DMBT1: variants seen among roughly 807,000 people sequenced by gnomAD.
DMBT1 encodes the protein scavenger receptor cysteine-rich domain-containing protein DMBT1.
DMBT1 carries 198 observed loss-of-function variants against 252.9 expected under a neutral mutation model. The observed-to-expected ratio is 0.78, with a 90% CI of 0.70 to 0.88. DMBT1 has a LOEUF of 0.88. DMBT1 is among the 40% of genes least tolerant of loss of function. The pLI is 0.00. For missense variants in DMBT1, 2,432 were observed against 2,404.7 expected (o/e 1.01, Z -0.24); for synonymous variants, 990 against 942.7 (o/e 1.05, Z -0.92).
rs763374104 is a variant in DMBT1, at chr10:122,643,168, C to T, written c.7399C>T (p.Arg2467Cys). 8.1e-6 allele frequency: 13 copies of T among 1,613,996 alleles called. No individual in the cohort carries two copies. Among genetic ancestry groups the T allele is most frequent in the South Asian group, 1.1e-5 (1 of 91,084 alleles). The change falls in exon 56 of 56, where the codon CGC (arginine) becomes TGC (cysteine). Residue 2467 changes from arginine to cysteine, a missense_variant. Around this residue, in one of 3 missense-constraint regions of DMBT1, gnomAD observed 1,162 missense variants for 1,169.0 expected, o/e 0.99. Coordinates refer to ENST00000338354, the MANE Select transcript of DMBT1 (RefSeq NM_001377530.1). Reference sequence around the variant, plus strand: ...CGGACCCTACTCCTCGCCATCTCTTCGCATTGCCCGCTTCCGGTTCAGGGC... The same window carrying T: ...CGGACCCTACTCCTCGCCATCTCTTTGCATTGCCCGCTTCCGGTTCAGGGC... Reference protein sequence around the residue: ...TYGPYSSPSLRIARFRFRAFH... With the variant: ...TYGPYSSPSLCIARFRFRAFH...
Position 122,618,736 on chromosome 10 carries a change from C to T in DMBT1, c.5215+396C>T, listed in dbSNP as rs562154030. ...TACAAGGAACTGTGAACTAAAGATG[C>T]TTGTCTGGAAGTGGGTTCTCAGCTG... On this transcript the variant is annotated intron_variant, in intron 41 of 55. Coordinates refer to ENST00000338354, the MANE Select transcript of DMBT1 (RefSeq NM_001377530.1). Among the ~76,000 whole-genome samples, 6 of 152,320 alleles carry T rather than the reference C, an allele frequency of 3.9e-5. No homozygotes were observed. The South Asian group carries it at 1.2e-3, about 32-fold the overall frequency.
At chr10:122,574,754 C>G (rs1485389386) in intron 6 of DMBT1, among the ~76,000 whole-genome samples, 2 of 152,206 alleles carry the variant, frequency 1.3e-5, no homozygotes, top group East Asian at 3.9e-4. Context: ...CTTGGTGGGA[C>G]AAGCCCTTTG....
Position 122,625,316 on chromosome 10 carries a change from C to A in DMBT1, c.5635+13C>A. 3 of 1,608,044 alleles carry A rather than the reference C, an allele frequency of 1.9e-6. No homozygotes were observed. Among genetic ancestry groups the A allele is most frequent in the Non-Finnish European group, 2.6e-6 (3 of 1,176,288 alleles). On this transcript the variant is annotated intron_variant, in intron 45 of 55. Coordinates refer to ENST00000338354, the MANE Select transcript of DMBT1 (RefSeq NM_001377530.1). The stretch of plus-strand genomic sequence containing the variant: ...TCTACTACGACAGGTGAGTCTGCTA[C>A]ACCCCAGTCCAGCAATATTTCTCTT...
rs1315344349 is a variant in DMBT1, at chr10:122,579,748, C to A, written c.850C>A (p.Pro284Thr). 12 of 1,613,794 alleles carry A rather than the reference C, an allele frequency of 7.4e-6. No individual in the cohort carries two copies. Among genetic ancestry groups the A allele is most frequent in the Non-Finnish European group, 8.5e-6 (10 of 1,179,766 alleles). ...QLGCGWAMSA[P>T]GNAQFGQGSG... ...GGGCTGTGGCTGGGCCATGTCAGCC[C>A]CAGGAAATGCCCAGTTTGGCCAGGG... is the stretch of plus-strand genomic sequence containing the variant. Residue 284 changes from proline to threonine, a missense_variant, in exon 10 of 56, where the codon CCA becomes ACA. Around this residue, in one of 3 missense-constraint regions of DMBT1, gnomAD observed 1,264 missense variants for 1,082.2 expected, o/e 1.17. Coordinates refer to ENST00000338354, the MANE Select transcript of DMBT1 (RefSeq NM_001377530.1).
chr10:122,566,175 C>G (rs1388986709), intron 2 of DMBT1, among the ~76,000 whole-genome samples, 179 bp downstream of exon 2: 1 of 152,194 alleles, frequency 6.6e-6, no homozygotes, highest in Admixed American at 6.5e-5. Context: ...GTCTCAAGTG[C>G]ACACTCGGCC....
In DMBT1 at chr10:122,573,782, A is replaced by C; in HGVS notation, c.283+20A>C. 6.2e-7 allele frequency: 1 copy of C among 1,611,896 alleles called. No homozygotes were observed. Among genetic ancestry groups the C allele is most frequent in the South Asian group, 1.1e-5 (1 of 91,030 alleles). ...CAGAAGGTAACGTCTACTATGGGGG[A>C]TCCCTGTAGGCTCATTACCCCCCTG... On this transcript the variant is annotated intron_variant, in intron 6 of 55. Coordinates refer to ENST00000338354, the MANE Select transcript of DMBT1 (RefSeq NM_001377530.1).
At chr10:122,622,764 G>A (rs1591497840) in intron 44 of DMBT1, among the ~76,000 whole-genome samples, 1 of 152,212 alleles carries the variant, frequency 6.6e-6, no homozygotes, top group Non-Finnish European at 1.5e-5. Context: ...AAGGATGGGG[G>A]CACTAGGCTC....
chr10:122,599,738 C>A (rs1343696318), intron 26 of DMBT1, among the ~76,000 whole-genome samples: 1 of 152,178 alleles, frequency 6.6e-6, no homozygotes, highest in Non-Finnish European at 1.5e-5. Context: ...GAGGACGGCA[C>A]AAGGGATTTT....
chr10:122,570,655 G>T (rs1385403831), intron 3 of DMBT1, among the ~76,000 whole-genome samples: 1 of 152,188 alleles, frequency 6.6e-6, no homozygotes, highest in Non-Finnish European at 1.5e-5. Context: ...AGAGGCTGTG[G>T]CAGCAGAAGA....
At chr10:122,574,386 T>C (rs1485671190) in intron 6 of DMBT1, among the ~76,000 whole-genome samples, 1 of 152,170 alleles carries the variant, frequency 6.6e-6, no homozygotes, top group Non-Finnish European at 1.5e-5. Flanking sequence ...ATCTTGGCCC[T>C]AGGAGAAGCT....
In DMBT1 at chr10:122,593,591, C is replaced by T. The variant is rs1355125635; in HGVS notation, c.2523C>T (p.Pro841=). The T allele has an allele frequency of 4.4e-6, 7 of 1,587,884 alleles. No individual in the cohort carries two copies. The highest frequency in any genetic ancestry group is 1.3e-5 in the African/African-American group (1 of 74,372). Residue 841 remains proline, a synonymous_variant, in exon 21 of 56, where the codon CCC becomes CCT. Coordinates refer to ENST00000338354, the MANE Select transcript of DMBT1 (RefSeq NM_001377530.1). ...ICSVSQSRPT[P]SPDTWPTSHA... ...CAGTTTCCCAGTCCCGGCCGACACC[C>T]AGTCCAGGTAGGTCCCCAGTGTCCT...
chr10:122,599,035 C>T lies in DMBT1; in HGVS notation c.3218C>T (p.Pro1073Leu). The T allele has an allele frequency of 6.2e-7, 1 of 1,613,754 alleles. No individual in the cohort carries two copies. The highest frequency in any genetic ancestry group is 8.5e-7 in the Non-Finnish European group (1 of 1,179,730). Residue 1073 changes from proline to leucine, a missense_variant, in exon 26 of 56, where the codon CCC (proline) becomes CTC (leucine). Pro to Leu is a moderately conservative substitution (Grantham distance 98). Around this residue, in one of 3 missense-constraint regions of DMBT1, gnomAD observed 1,264 missense variants for 1,082.2 expected, o/e 1.17. Transcript: ENST00000338354. Reference sequence around the variant, plus strand: ...CACGAGTCTTACCTGTGGAGCTGCCCCCACAATGGCTGGCTCTCCCACAAC... The same window carrying T: ...CACGAGTCTTACCTGTGGAGCTGCCTCCACAATGGCTGGCTCTCCCACAAC... ...SGHESYLWSC[P>L]HNGWLSHNCG...
rs375520395 is a variant in DMBT1, at chr10:122,636,036, C to T, written c.6594C>T (p.Gly2198=). ...ATGATTATATTGAAGTTTTCGATGG[C>T]CCCTACCGCAGTTCCCCTCTCATTG... ...CNYDYIEVFD[G]PYRSSPLIAR... Residue 2198 remains glycine, a synonymous_variant, in exon 53 of 56, where the codon GGC becomes GGT. Transcript: ENST00000338354. 16 of 1,613,976 alleles carry T rather than the reference C, an allele frequency of 9.9e-6. No individual in the cohort carries two copies. The highest frequency in any genetic ancestry group is 4.2e-6 in the Non-Finnish European group (5 of 1,179,888).
At chr10:122,563,586 C>CA (rs5788567) in intron 1 of DMBT1, among the ~76,000 whole-genome samples, 45,476 of 147,246 alleles carry the variant, frequency 0.31, 7,112 homozygotes, top group African/African-American at 0.34. Flanking sequence ...GACTCTGTCT[C>CA]AAAAAAAAAA....
chr10:122,639,998 G>A, intron 54 of DMBT1, 42 bp from the exon 55 acceptor site: 6 of 1,588,288 alleles, frequency 3.8e-6, no homozygotes, highest in Non-Finnish European at 4.3e-6. Context: ...CCCTTAGCAG[G>A]TGACATGTGC....
intron 16 of DMBT1, among the ~76,000 whole-genome samples, chr10:122,586,956 C>T (rs564338163): frequency 6.8e-6 from 1 of 148,044 alleles, no homozygotes; most frequent in Non-Finnish European, 1.5e-5. Context: ...AGGGCCCAGA[C>T]AGTTTTCAAC....
At position 122,565,703 on chromosome 10, in the gene DMBT1, C is replaced by T. The variant is rs576257270; in HGVS notation, c.62-264C>T. ...TTTCCAAGCATAGATTACATCCTGT[C>T]ACCATAAGCTGTAGTGTTAGGGGCC... On this transcript the variant is annotated intron_variant, in intron 1 of 55. Coordinates refer to ENST00000338354, the MANE Select transcript of DMBT1 (RefSeq NM_001377530.1). Among the ~76,000 whole-genome samples the T allele has an allele frequency of 5.3e-5, 8 of 152,326 alleles. No homozygotes were observed. The South Asian group carries it at 1.2e-3, about 24-fold the overall frequency.
chr10:122,561,636 C>T (rs1338691956), intron 1 of DMBT1, among the ~76,000 whole-genome samples: 1 of 106,564 alleles, frequency 9.4e-6, no homozygotes, highest in Non-Finnish European at 2.0e-5. Flanking sequence ...TCCCCTCTCT[C>T]TCCCTCTGTT....
chr10:122,591,517 G>A lies in DMBT1; in HGVS notation c.2176G>A (p.Gly726Arg), dbSNP rs990396437. The change falls in exon 19 of 56, where the codon GGA becomes AGA. Residue 726 changes from glycine to arginine, a missense_variant and splice_region_variant. Coordinates refer to ENST00000338354, the MANE Select transcript of DMBT1 (RefSeq NM_001377530.1). ...STITLPPSTV[G>R]SESSLTLRLV... ...CATCACGTTACCTCCATCGACAGTAGGTAAATAATCCTCTCACCCCTCCCT... is the reference window on the plus strand; with the variant it reads ...CATCACGTTACCTCCATCGACAGTAAGTAAATAATCCTCTCACCCCTCCCT... 1.3e-6 allele frequency: 2 copies of A among 1,585,680 alleles called. No homozygotes were observed. Among genetic ancestry groups the A allele is most frequent in the Non-Finnish European group, 1.7e-6 (2 of 1,163,642 alleles).
Sources: gnomAD v4.1 joint callset for allele counts (sites outside exome capture counted in the v4.1 genomes callset) on GRCh38, gnomAD v4.1.1 for gene constraint, gnomAD v4.1.1 regional missense constraint, MANE v1.5 for transcripts, NCBI Gene and HGNC (gene_info 2026-07-23, HGNC 2026-07-21) for gene names.